The following RASGEF1C variants were observed in gnomAD, a reference collection of about 807,000 sequenced individuals.
The protein encoded by RASGEF1C is RasGEF domain family member 1C.
Under a neutral mutation model 58.1 loss-of-function variants are expected in RASGEF1C, and 27 were observed. That is an observed-to-expected ratio of 0.46 (90% CI 0.34 to 0.64). The LOEUF (loss-of-function observed/expected upper bound fraction) is 0.64, where lower values mean the gene tolerates loss of function less well. Ranked by LOEUF, RASGEF1C falls within the 30% of genes least tolerant of loss-of-function variation. RASGEF1C has a pLI of 0.01. For synonymous variants in RASGEF1C, 243 were observed against 246.3 expected, an observed-to-expected ratio of 0.99 and a Z score of 0.13; for missense variants, 502 against 605.1, an observed-to-expected ratio of 0.83 and a Z score of 1.79.
chr5:180,208,145 A>AC (rs1756523508), intron 1 of RASGEF1C, among the ~76,000 whole-genome samples: 2 of 151,614 alleles, frequency 1.3e-5, no homozygotes, highest in South Asian at 4.2e-4. Context: ...CAGAGGTGGG[A>AC]CCCCAGCGTT....
intron 1 of RASGEF1C, among the ~76,000 whole-genome samples, chr5:180,163,231 C>CTTTT (rs1220517606): frequency 1.0e-4 from 2 of 19,476 alleles, no homozygotes; most frequent in African/African-American, 2.6e-4. Flanking sequence ...CACCCCCTCA[C>CTTTT]TTTTTTTTTT....
chr5:180,202,585 T>A (rs755376403), intron 1 of RASGEF1C, among the ~76,000 whole-genome samples: 19 of 152,192 alleles, frequency 1.2e-4, no homozygotes, highest in Admixed American at 4.6e-4. Context: ...CATAACAACA[T>A]TTTTAAAAAT....
chr5:180,137,476 A>G lies in RASGEF1C; in HGVS notation c.300+114T>C, dbSNP rs886787793. The G allele has an allele frequency of 2.8e-5, 40 of 1,438,494 alleles. No individual in the cohort carries two copies. The African/African-American group carries it at 3.2e-4, about 12-fold the overall frequency. 89.1% of individuals were successfully genotyped at this position (1,438,494 alleles called of 1,614,324 possible). A position where few individuals can be genotyped will look rare whatever the true frequency, so the allele number is the denominator to read the frequency against. On this transcript the variant is annotated intron_variant, in intron 3 of 13. Transcript: ENST00000361132. This position sits in a 1 kb window ranked among gnomAD's most constrained non-coding sequence, Gnocchi z 4.1. ...GACAAGGTGGAAACACCCGGTAGCC[A>G]CCTTGTCAGGAAAACGGGGACAATC...
intron 1 of RASGEF1C, among the ~76,000 whole-genome samples, chr5:180,208,392 T>C (rs1756528551): frequency 6.6e-6 from 1 of 152,048 alleles, no homozygotes; most frequent in African/African-American, 2.4e-5. Context: ...CCAGCACCCT[T>C]CCCCAAGTCC....
chr5:180,127,814 G>GGGGA, intron 5 of RASGEF1C, 131 bp from the exon 6 acceptor site: 1 of 776,426 alleles, frequency 1.3e-6, no homozygotes, highest in Non-Finnish European at 2.0e-6. Context: ...CCTCCCCACT[G>GGGGA]GGGCTTGGAG....
Position 180,121,122 on chromosome 5 carries a change from G to A in RASGEF1C, c.742C>T (p.Leu248=). 1.2e-6 allele frequency: 2 copies of A among 1,614,076 alleles called. No individual in the cohort carries two copies. Among genetic ancestry groups the A allele is most frequent in the African/African-American group, 1.3e-5 (1 of 75,028 alleles). Residue 248 remains leucine, a synonymous_variant, in exon 7 of 14, where the codon CTG becomes TTG. Coordinates refer to ENST00000361132, the MANE Select transcript of RASGEF1C (RefSeq NM_175062.4). ...TTGAACCATTTCACATAAGCCTCCA[G>A]GTTGCTGGTCTTGTCACTGAAGCAG... ...KPCFSDKTSN[L]EAYVKWFNRL... is the part of the protein sequence containing the mutation.
In RASGEF1C at chr5:180,128,559, C is replaced by T. The variant is rs1366148105; in HGVS notation, c.490G>A (p.Ala164Thr). The T allele has an allele frequency of 6.2e-7, 1 of 1,614,098 alleles. No individual in the cohort carries two copies. Among genetic ancestry groups the T allele is most frequent in the South Asian group, 1.1e-5 (1 of 91,074 alleles). The change falls in exon 5 of 14, where the codon GCG (alanine) becomes ACG (threonine). Residue 164 changes from alanine to threonine, a missense_variant. By Grantham distance (58) the Ala-to-Thr change is moderately conservative. Transcript: ENST00000361132. ...CCTTCTGGCCCCTGGCGCAGAGCCG[C>T]CAGCTTCTGGTGCAGAGCCTGTAGG... ...QLLQALHQKL[A>T]ALRQGPEGLV...
At chr5:180,164,427 G>A (rs905883132) in intron 1 of RASGEF1C, among the ~76,000 whole-genome samples, 1 of 152,118 alleles carries the variant, frequency 6.6e-6, no homozygotes, top group Admixed American at 6.5e-5. Flanking sequence ...GGTACAATGT[G>A]ATGTTTTGAT....
intron 1 of RASGEF1C, among the ~76,000 whole-genome samples, chr5:180,151,106 A>C: frequency 6.6e-6 from 1 of 151,472 alleles, no homozygotes; most frequent in Admixed American, 6.6e-5. Context: ...GCTCATGGGT[A>C]AGAAGAATCA....
chr5:180,146,618 T>C (rs569508551), intron 1 of RASGEF1C, among the ~76,000 whole-genome samples: 1 of 152,174 alleles, frequency 6.6e-6, no homozygotes, highest in Non-Finnish European at 1.5e-5. Flanking sequence ...TTGTATTACA[T>C]TGATTGATTT....
At chr5:180,208,675 T>G (rs1225361238) in intron 1 of RASGEF1C, among the ~76,000 whole-genome samples, 3 of 152,094 alleles carry the variant, frequency 2.0e-5, no homozygotes, top group Non-Finnish European at 4.4e-5. Context: ...ACGGGGAAAC[T>G]GAGGTCCGGT....
chr5:180,173,370 C>T (rs187848720), intron 1 of RASGEF1C, among the ~76,000 whole-genome samples: 57 of 152,294 alleles, frequency 3.7e-4, no homozygotes, highest in South Asian at 8.3e-4. Context: ...GGTTTCCAGA[C>T]CAAAGCCTCT....
At chr5:180,181,016 C>T (rs1767315578) in intron 1 of RASGEF1C, among the ~76,000 whole-genome samples, 1 of 152,180 alleles carries the variant, frequency 6.6e-6, no homozygotes, top group South Asian at 2.1e-4. Flanking sequence ...ACTGTTCACA[C>T]GAAACTCGAA....
In RASGEF1C at chr5:180,137,818, G is replaced by GC. The variant is rs756612322; in HGVS notation, c.177+57dup. 6.2e-7 allele frequency: 1 copy of GC among 1,602,090 alleles called. No homozygotes were observed. Reference sequence around the variant, plus strand: ...GCCCAAGGTCACGCCCAACCCTGATGCCCCCCGTGCGTGGTGGAGGAGAGC... The same window carrying GC: ...GCCCAAGGTCACGCCCAACCCTGATGCCCCCCCGTGCGTGGTGGAGGAGAGC... On this transcript the variant is annotated intron_variant, in intron 2 of 13. Transcript: ENST00000361132. This position sits in a 1 kb window ranked among gnomAD's most constrained non-coding sequence, Gnocchi z 4.1.
intron 1 of RASGEF1C, among the ~76,000 whole-genome samples, chr5:180,179,659 C>T (rs1033921340): frequency 3.9e-5 from 6 of 152,178 alleles, no homozygotes; most frequent in South Asian, 2.1e-4. Flanking sequence ...TGCCACTGGG[C>T]GTCAGGTATG....
At position 180,158,681 on chromosome 5, in the gene RASGEF1C, G is replaced by T. The variant is rs1312792552; in HGVS notation, c.-6-20623C>A. 6.6e-6 allele frequency among the ~76,000 whole-genome samples: 1 copy of T among 152,202 alleles called. No homozygotes were observed. Among genetic ancestry groups the T allele is most frequent in the Non-Finnish European group, 1.5e-5 (1 of 68,040 alleles). ...CCTCAGTCCCAGGTAAACAAAGCCA[G>T]TTGGTCACCCTAGTCCCAAGTCTTT... On this transcript the variant is annotated intron_variant, in intron 1 of 13. Coordinates refer to ENST00000361132, the MANE Select transcript of RASGEF1C (RefSeq NM_175062.4). The surrounding 1 kb of genome is among the most constrained non-coding windows in gnomAD (Gnocchi z 4.0).
intron 1 of RASGEF1C, among the ~76,000 whole-genome samples, chr5:180,183,154 C>T (rs1004886273): frequency 2.6e-5 from 4 of 152,116 alleles, no homozygotes; most frequent in African/African-American, 4.8e-5. Flanking sequence ...TCCTGATGGT[C>T]TTGAAGAAGC....
intron 1 of RASGEF1C, among the ~76,000 whole-genome samples, chr5:180,193,210 C>CCT: frequency 2.3e-5 from 1 of 43,466 alleles, no homozygotes; most frequent in East Asian, 2.5e-3. Context: ...TGCCCGCCAC[C>CCT]GCACCCGGCT....
chr5:180,194,808 C>T (rs1000582901), intron 1 of RASGEF1C, among the ~76,000 whole-genome samples: 4 of 152,214 alleles, frequency 2.6e-5, no homozygotes, highest in African/African-American at 9.6e-5. Flanking sequence ...GGATTCCGAA[C>T]CAGCCCTCTC....
Sources: gnomAD v4.1 joint callset for allele counts (sites outside exome capture counted in the v4.1 genomes callset) on GRCh38, gnomAD v4.1.1 for gene constraint, Gnocchi (gnomAD v3.1) non-coding constraint, MANE v1.5 for transcripts, NCBI Gene and HGNC (gene_info 2026-07-23, HGNC 2026-07-21) for gene names.